Variants in FAM227B observed in about 807,000 individuals in gnomAD.
FAM227B encodes family with sequence similarity 227 member B.
Under a neutral mutation model 73.8 loss-of-function variants are expected in FAM227B, and 88 were observed. The observed-to-expected ratio is 1.19, with a 90% CI of 1.00 to 1.42. The LOEUF is 1.42. Among genes scored for constraint, FAM227B ranks in the 40% most tolerant of loss-of-function variants. FAM227B has a pLI of 0.00. For missense variants in FAM227B, 632 were observed against 590.9 expected, an observed-to-expected ratio of 1.07 and a Z score of -0.72; for synonymous variants, 210 against 190.5, an observed-to-expected ratio of 1.10 and a Z score of -0.84.
intron 11 of FAM227B, among the ~76,000 whole-genome samples, chr15:49,376,932 G>C (rs2046201421): frequency 1.3e-5 from 2 of 151,874 alleles, no homozygotes; most frequent in Admixed American, 6.6e-5. Flanking sequence ...ATTGACTATA[G>C]TCACCCTGTT....
At chr15:49,610,420 T>TAAAAAA (rs72044107) in intron 3 of FAM227B, among the ~76,000 whole-genome samples, 6 of 119,564 alleles carry the variant, frequency 5.0e-5, no homozygotes, top group East Asian at 4.9e-4. Flanking sequence ...ACATTGAAAG[T>TAAAAAA]AAAAAAAAAA....
At chr15:49,362,047 T>C (rs2044333236) in intron 13 of FAM227B, among the ~76,000 whole-genome samples, 1 of 152,228 alleles carries the variant, frequency 6.6e-6, no homozygotes, top group African/African-American at 2.4e-5. Context: ...ATGTCTTCTT[T>C]TGAAATGTGT....
chr15:49,404,669 T>G (rs2048397557), intron 11 of FAM227B, among the ~76,000 whole-genome samples: 1 of 152,146 alleles, frequency 6.6e-6, no homozygotes, highest in Non-Finnish European at 1.5e-5. Context: ...GCATGTGAGA[T>G]GCATCTCTTG....
chr15:49,568,422 C>T, intron 8 of FAM227B, 76 bp from the exon 9 acceptor site: 1 of 1,156,250 alleles, frequency 8.6e-7, no homozygotes, highest in Non-Finnish European at 1.2e-6. Flanking sequence ...ACAGCAATTT[C>T]ATTTATTCTC....
intron 9 of FAM227B, among the ~76,000 whole-genome samples, chr15:49,563,600 G>C (rs1233308048): frequency 1.3e-5 from 2 of 152,084 alleles, no homozygotes; most frequent in Non-Finnish European, 2.9e-5. Flanking sequence ...TACACTATAA[G>C]GTTACAGTAA....
intron 9 of FAM227B, among the ~76,000 whole-genome samples, chr15:49,555,460 TTC>T (rs2073558146): frequency 6.6e-6 from 1 of 152,232 alleles, no homozygotes; most frequent in Non-Finnish European, 1.5e-5. Context: ...TGACTGCCTC[TTC>T]TCTCTAGCTG....
intron 11 of FAM227B, among the ~76,000 whole-genome samples, chr15:49,504,057 A>T (rs1351970690): frequency 6.6e-6 from 1 of 152,152 alleles, no homozygotes; most frequent in African/African-American, 2.4e-5. Flanking sequence ...CTGGATTAAG[A>T]AAATGTGGCA....
At chr15:49,529,401 G>A (rs1450668965) in intron 10 of FAM227B, among the ~76,000 whole-genome samples, 2 of 151,628 alleles carry the variant, frequency 1.3e-5, no homozygotes, top group African/African-American at 4.8e-5. Flanking sequence ...AGGTTTACTA[G>A]AAGCCCAAAT....
intron 13 of FAM227B, among the ~76,000 whole-genome samples, chr15:49,341,265 A>G (rs2040691827): frequency 1.3e-5 from 2 of 152,032 alleles, no homozygotes; most frequent in Non-Finnish European, 2.9e-5. Context: ...TGGTTTTAGA[A>G]TAGTTTTTTT....
intron 3 of FAM227B, among the ~76,000 whole-genome samples, chr15:49,599,333 T>C (rs1466014820): frequency 6.6e-6 from 1 of 152,110 alleles, no homozygotes; most frequent in African/African-American, 2.4e-5. Context: ...CTTTCTTCTT[T>C]TTTTCCCTTA....
intron 8 of FAM227B, 111 bp from the exon 9 acceptor site, chr15:49,568,457 G>C: frequency 2.4e-6 from 2 of 844,694 alleles, no homozygotes. Flanking sequence ...TGGTACAGGA[G>C]AATCAGCATG....
chr15:49,476,077 T>A (rs16973952), intron 11 of FAM227B, among the ~76,000 whole-genome samples: 49,338 of 151,894 alleles, frequency 0.32, 8,740 homozygotes, highest in African/African-American at 0.45. Context: ...TATCTCTCAA[T>A]TAGCATGTTT....
At chr15:49,567,003 TC>T (rs976112967) in intron 9 of FAM227B, among the ~76,000 whole-genome samples, 10 of 152,144 alleles carry the variant, frequency 6.6e-5, no homozygotes, top group African/African-American at 2.4e-4. Flanking sequence ...ACCATTTTAT[TC>T]TTTGTCCATA....
At chr15:49,576,230 A>G (rs1199922829) in intron 7 of FAM227B, 1 of 152,622 alleles carries the variant, frequency 6.6e-6, no homozygotes, top group Non-Finnish European at 1.5e-5. Flanking sequence ...GACCAGTTTT[A>G]CCAGGTAACC....
intron 11 of FAM227B, among the ~76,000 whole-genome samples, chr15:49,441,461 G>A (rs914644451): frequency 2.0e-5 from 3 of 151,718 alleles, no homozygotes; most frequent in Non-Finnish European, 4.4e-5. Context: ...TAAATCATAT[G>A]GTATTGGCCA....
chr15:49,482,851 T>C lies in FAM227B; in HGVS notation c.1012+25360A>G, dbSNP rs1295106149. Reference sequence around the variant, plus strand: ...CAATAAACATTAGCTATTATTATTATAGTAAATTAGAAATTTAATTCTAGA... The same window carrying C: ...CAATAAACATTAGCTATTATTATTACAGTAAATTAGAAATTTAATTCTAGA... On this transcript the variant is annotated intron_variant, in intron 11 of 15. Coordinates refer to ENST00000299338, the MANE Select transcript of FAM227B (RefSeq NM_152647.3). 3.3e-5 allele frequency among the ~76,000 whole-genome samples: 5 copies of C among 152,132 alleles called. No homozygotes were observed. The South Asian group carries it at 6.2e-4, about 19-fold the overall frequency.
In FAM227B at chr15:49,615,156, T is replaced by C. The variant is rs142368922; in HGVS notation, c.16A>G (p.Thr6Ala). 1.2e-6 allele frequency: 2 copies of C among 1,613,984 alleles called. No individual in the cohort carries two copies. The highest frequency in any genetic ancestry group is 2.7e-5 in the African/African-American group (2 of 74,906). The change falls in exon 2 of 16, where the codon ACA becomes GCA. Residue 6 changes from threonine (T) to alanine (A), a missense_variant. Transcript: ENST00000299338. ...GCTCTGCTGCTCCTCCTTTGACATG[T>C]TCGTTGGCCTGCCATGGTACAGTAA... MAGQR[T>A]CQRRSSRAGP...
intron 10 of FAM227B, among the ~76,000 whole-genome samples, chr15:49,518,213 T>G (rs1398972422): frequency 2.0e-5 from 3 of 152,188 alleles, no homozygotes; most frequent in African/African-American, 7.2e-5. Context: ...TATTGGCAGT[T>G]GTCCAAAATT....
At chr15:49,490,020 T>TC (rs34737071) in intron 11 of FAM227B, among the ~76,000 whole-genome samples, 20 of 148,684 alleles carry the variant, frequency 1.3e-4, no homozygotes, top group Non-Finnish European at 1.9e-4. Context: ...TTTTAAAAAT[T>TC]CCCCAGAAGA....
Sources: gnomAD v4.1 joint callset for allele counts (sites outside exome capture counted in the v4.1 genomes callset) on GRCh38, gnomAD v4.1.1 for gene constraint, MANE v1.5 for transcripts, NCBI Gene and HGNC (gene_info 2026-07-23, HGNC 2026-07-21) for gene names.